The following GLB1 variants were observed in gnomAD, a reference collection of about 807,000 sequenced individuals.
GLB1 encodes galactosidase beta 1, also known as beta-galactosidase.
A neutral mutation model predicts 74.0 loss-of-function variants in GLB1; 56 were observed. The observed-to-expected ratio is 0.76, with a 90% confidence interval of 0.61 to 0.94. The LOEUF is 0.94. GLB1 is among the 40% of genes least tolerant of loss of function. GLB1 has a pLI of 0.00. For synonymous variants in GLB1, 323 were observed against 323.6 expected, an observed-to-expected ratio of 1.00 and a Z score of 0.02; for missense variants, 787 against 845.5, an observed-to-expected ratio of 0.93 and a Z score of 0.86.
At chr3:32,978,761 C>CTTTTTTTTT in the GLB1 span, among the ~76,000 whole-genome samples, 2 of 84,536 alleles carry the variant, frequency 2.4e-5, no homozygotes, top group East Asian at 2.8e-4. Context: ...TTCTTTCTTT[C>CTTTTTTTTT]TTTCTTTTTT....
chr3:33,050,862 C>T (rs1017301779), intron 9 of GLB1, among the ~76,000 whole-genome samples: 2 of 152,192 alleles, frequency 1.3e-5, no homozygotes, highest in African/African-American at 4.8e-5. Context: ...CAGTTATAGA[C>T]TGTGACTGAA....
In GLB1 at chr3:33,090,365, C is replaced by T. The variant is rs530550629; in HGVS notation, c.75+6646G>A. The T allele has an allele frequency of 4.1e-5, 40 of 982,092 alleles. No homozygotes were observed. The African/African-American group carries it at 4.4e-4, about 11-fold the overall frequency. 60.8% of individuals were successfully genotyped at this position (982,092 alleles called of 1,614,324 possible). On this transcript the variant is annotated intron_variant, in intron 1 of 15. Coordinates refer to ENST00000307363, the MANE Select transcript of GLB1 (RefSeq NM_000404.4). ...TAAAGCTGGGAGAGAGGTACATGTA[C>T]GAAAAGTTTAAAACAAACCAAACAA...
intron 4 of GLB1, among the ~76,000 whole-genome samples, chr3:33,066,270 C>G (rs1422223541): frequency 6.6e-6 from 1 of 152,122 alleles, no homozygotes; most frequent in South Asian, 2.1e-4. Context: ...GGTGTTGAGT[C>G]ATGAGGGCTC....
At chr3:33,003,842 C>G (rs1696677501) in intron 15 of GLB1, among the ~76,000 whole-genome samples, 1 of 152,128 alleles carries the variant, frequency 6.6e-6, no homozygotes, top group Non-Finnish European at 1.5e-5. Context: ...CCAGCCTGGC[C>G]TACATGGTGA....
At chr3:33,079,041 A>G (rs4311175) in intron 1 of GLB1, among the ~76,000 whole-genome samples, 77,819 of 151,986 alleles carry the variant, frequency 0.51, 21,958 homozygotes, top group Non-Finnish European at 0.62. Flanking sequence ...TAATAATGTA[A>G]ATAAATCTCA....
intron 5 of GLB1, 39 bp from the exon 6 acceptor site, chr3:33,058,308 C>A: frequency 6.2e-7 from 1 of 1,612,574 alleles, no homozygotes; most frequent in South Asian, 1.1e-5. Flanking sequence ...TGAGGAGATC[C>A]TAATGTAGCC....
At position 33,069,023 on chromosome 3, in the gene GLB1, A is replaced by T. The variant is rs114592077; in HGVS notation, c.246-53T>A. 347 of 1,613,972 alleles carry T rather than the reference A, an allele frequency of 2.1e-4. 2 individuals carry two copies. In the African/African-American group the frequency reaches 4.4e-3, roughly 20 times the overall value. ...GGATACTTGGCAGAGTCAAGAAGAAAGAAGCGTGGGGAAAGGGCCTCATTA... is the reference window on the plus strand; with the variant it reads ...GGATACTTGGCAGAGTCAAGAAGAATGAAGCGTGGGGAAAGGGCCTCATTA... On this transcript the variant is annotated intron_variant, in intron 2 of 15. Coordinates refer to ENST00000307363, the MANE Select transcript of GLB1 (RefSeq NM_000404.4).
At chr3:32,990,621 T>G in the GLB1 span, among the ~76,000 whole-genome samples, 1 of 152,110 alleles carries the variant, frequency 6.6e-6, no homozygotes, top group African/African-American at 2.4e-5. Flanking sequence ...ACTTCCTGAT[T>G]TCAAAGTCCC....
chr3:33,039,555 A>G (rs888061725), intron 10 of GLB1, among the ~76,000 whole-genome samples: 7 of 152,212 alleles, frequency 4.6e-5, no homozygotes, highest in Non-Finnish European at 1.0e-4. Flanking sequence ...AAGATAGGTC[A>G]GAATAAAATC....
chr3:33,055,842 T>C (rs1008765764), intron 6 of GLB1, among the ~76,000 whole-genome samples: 3 of 152,048 alleles, frequency 2.0e-5, no homozygotes, highest in Non-Finnish European at 4.4e-5. Flanking sequence ...TGAGTCCTTT[T>C]ATCACCAAAT....
At chr3:32,980,110 C>T in the GLB1 span, among the ~76,000 whole-genome samples, 5 of 152,164 alleles carry the variant, frequency 3.3e-5, no homozygotes, top group Admixed American at 1.3e-4. Flanking sequence ...ATATTCAATA[C>T]ATTATTGTTA....
intron 12 of GLB1, among the ~76,000 whole-genome samples, chr3:33,020,971 T>C (rs1697446385): frequency 6.6e-6 from 1 of 152,162 alleles, no homozygotes; most frequent in African/African-American, 2.4e-5. Flanking sequence ...TGGGTGTTTA[T>C]TGTACTATTC....
At chr3:33,071,109 T>C (rs1699872022) in intron 2 of GLB1, among the ~76,000 whole-genome samples, 1 of 152,174 alleles carries the variant, frequency 6.6e-6, no homozygotes, top group African/African-American at 2.4e-5. Flanking sequence ...AAGTTAAATA[T>C]GGAGCCATCC....
chr3:32,964,619 C>T, the GLB1 span, among the ~76,000 whole-genome samples: 1 of 152,212 alleles, frequency 6.6e-6, no homozygotes, highest in Non-Finnish European at 1.5e-5. Context: ...ACAAATGCCA[C>T]TTTGAAAAAC....
chr3:32,987,724 G>C, the GLB1 span, among the ~76,000 whole-genome samples: 1 of 152,290 alleles, frequency 6.6e-6, no homozygotes, highest in East Asian at 1.9e-4. Flanking sequence ...CTGAGAGATG[G>C]GGTGATAAAG....
chr3:32,988,510 T>G, the GLB1 span, among the ~76,000 whole-genome samples: 17 of 152,196 alleles, frequency 1.1e-4, no homozygotes, highest in Non-Finnish European at 2.5e-4. Flanking sequence ...TCAAAAGCAT[T>G]GCTCTATCTG....
In GLB1 at chr3:33,018,285, C is replaced by CAAAAAAAAAAAAAA. The variant is rs57833238; in HGVS notation, c.1347+149_1347+162dup. On this transcript the variant is annotated intron_variant, in intron 13 of 15. Coordinates refer to ENST00000307363, the MANE Select transcript of GLB1 (RefSeq NM_000404.4). ...TGGGCAACAGAGCAAAACCCTGTCT[C>CAAAAAAAAAAAAAA]AAAAAAAAAAAAAAAAAAAAAAAAA... Among the ~76,000 whole-genome samples, 11 of 41,970 alleles carry CAAAAAAAAAAAAAA rather than the reference C, an allele frequency of 2.6e-4. 1 individual carries two copies. Among genetic ancestry groups the CAAAAAAAAAAAAAA allele is most frequent in the Non-Finnish European group, 2.6e-4 (7 of 26,606 alleles). 27.5% of individuals were successfully genotyped at this position (41,970 alleles called of 152,430 possible).
At position 33,075,174 on chromosome 3, in the gene GLB1, A is replaced by G. The variant is rs1700060804; in HGVS notation, c.76-2461T>C. Among the ~76,000 whole-genome samples, 3 of 152,238 alleles carry G rather than the reference A, an allele frequency of 2.0e-5. No homozygotes were observed. The South Asian group carries it at 6.2e-4, about 31-fold the overall frequency. On this transcript the variant is annotated intron_variant, in intron 1 of 15. Coordinates refer to ENST00000307363, the MANE Select transcript of GLB1 (RefSeq NM_000404.4). ...TTGAAAACATTCTCATAGTATATAC[A>G]TGGCTAAGTGTCAAATAAGTGTTCC...
chr3:33,024,445 T>C (rs1697644780), intron 10 of GLB1, 120 bp from the exon 11 acceptor site: 2 of 1,143,346 alleles, frequency 1.7e-6, no homozygotes, highest in Admixed American at 2.5e-5. Context: ...ACTGCTTTTT[T>C]GGAAAATCAA....
Sources: gnomAD v4.1 joint callset for allele counts (sites outside exome capture counted in the v4.1 genomes callset) on GRCh38, gnomAD v4.1.1 for gene constraint, MANE v1.5 for transcripts, NCBI Gene and HGNC (gene_info 2026-07-23, HGNC 2026-07-21) for gene names.